The following LCORL variants were observed in gnomAD, a reference collection of about 807,000 sequenced individuals.
The protein encoded by LCORL is ligand dependent nuclear receptor corepressor like.
Under a neutral mutation model 141.8 loss-of-function variants are expected in LCORL, and 41 were observed. The ratio of observed to expected loss-of-function variants is 0.29; its 90% CI spans 0.23 to 0.38. The LOEUF is 0.38. LCORL is among the 10% of genes least tolerant of loss of function. The pLI is 1.00. For synonymous variants in LCORL, 618 were observed against 694.1 expected (o/e 0.89, Z 1.72); for missense variants, 1,759 against 2,035.0 (o/e 0.86, Z 2.61).
intron 4 of LCORL, among the ~76,000 whole-genome samples, chr4:17,910,557 A>C (rs933316914): frequency 1.1e-4 from 17 of 152,178 alleles, no homozygotes; most frequent in Non-Finnish European, 1.5e-5. Context: ...TTTGTGTTTC[A>C]GTATTAGTTA....
At chr4:17,991,896 A>C (rs79377331) in intron 1 of LCORL, among the ~76,000 whole-genome samples, 3 of 105,246 alleles carry the variant, frequency 2.9e-5, no homozygotes, top group Admixed American at 9.1e-5. Context: ...TCACCCTCAC[A>C]GAGAGGTGTA....
At chr4:17,876,039 G>A in exon 7 of LCORL, 1 of 1,231,080 alleles carries the variant, frequency 8.1e-7, no homozygotes, top group East Asian at 3.2e-5. Context: ...ATTTGAATGG[G>A]AAGTGCCAAC....
intron 5 of LCORL, among the ~76,000 whole-genome samples, chr4:17,908,324 G>A (rs935857996): frequency 3.3e-5 from 5 of 152,124 alleles, no homozygotes; most frequent in South Asian, 2.1e-4. Flanking sequence ...GAGCCAGCGC[G>A]CCTGGCCTAA....
At chr4:17,953,898 T>A (rs990705618) in intron 4 of LCORL, among the ~76,000 whole-genome samples, 5 of 152,178 alleles carry the variant, frequency 3.3e-5, no homozygotes, top group African/African-American at 9.7e-5. Flanking sequence ...GCGCGGTGGC[T>A]CACGCCTGTA....
Position 18,021,521 on chromosome 4 carries a change from C to T in LCORL, c.154+77G>A. The T allele has an allele frequency of 7.7e-7, 1 of 1,301,794 alleles. No individual in the cohort carries two copies. Among genetic ancestry groups the T allele is most frequent in the Non-Finnish European group, 1.0e-6 (1 of 964,696 alleles). The allele number at this position is 1,301,794 out of a possible 1,614,324, so 80.6% of individuals were successfully genotyped here. On this transcript the variant is annotated intron_variant, in intron 1 of 7. Coordinates refer to ENST00000635767, the Ensembl canonical transcript of LCORL. The surrounding 1 kb of genome is among the most constrained non-coding windows in gnomAD (Gnocchi z 5.5). ...ACCCGAACGGGAGATTCAACTAAAC[C>T]CCTCAGCCACAAACTCCTCGGGCTG...
chr4:17,939,181 CACA>C (rs1325068635), intron 4 of LCORL, among the ~76,000 whole-genome samples: 1 of 152,060 alleles, frequency 6.6e-6, no homozygotes, highest in African/African-American at 2.4e-5. Context: ...TGAAAATGTG[CACA>C]ACATCATTAG....
chr4:17,914,301 C>G (rs1733037939), intron 4 of LCORL, among the ~76,000 whole-genome samples: 1 of 152,160 alleles, frequency 6.6e-6, no homozygotes. Flanking sequence ...TTTTAGCTAA[C>G]TGTCCTGAAT....
chr4:17,983,915 G>A (rs1357011057), intron 1 of LCORL, among the ~76,000 whole-genome samples: 2 of 151,946 alleles, frequency 1.3e-5, no homozygotes, highest in African/African-American at 4.8e-5. Flanking sequence ...TGTCATATGT[G>A]GCTCTTATTA....
intron 1 of LCORL, among the ~76,000 whole-genome samples, chr4:18,013,151 T>C (rs1270556328): frequency 6.6e-6 from 1 of 150,404 alleles, no homozygotes; most frequent in Non-Finnish European, 1.5e-5. Context: ...CTCCTTATTG[T>C]AATATTTTTC....
chr4:17,844,087 T>TATTA (rs575910706), exon 8 of LCORL: 66 of 152,086 alleles, frequency 4.3e-4, no homozygotes, highest in Middle Eastern at 3.4e-3. Context: ...ATAAATGTAT[T>TATTA]ATTAACCATG....
chr4:17,968,110 G>A (rs766236256), intron 2 of LCORL, among the ~76,000 whole-genome samples: 2 of 151,714 alleles, frequency 1.3e-5, no homozygotes, highest in Non-Finnish European at 2.9e-5. Flanking sequence ...TGCCTGCCTC[G>A]GCCTCCCAAA....
chr4:17,886,092 G>A lies in LCORL; in HGVS notation c.752C>T (p.Pro251Leu). ...CCCAGCCACTGAATTTTCAGAAGAA[G>A]GATCACATATGGATGACTCTTCAGA... is the stretch of plus-strand genomic sequence containing the variant. The change falls in exon 6 of 8, where the codon CCT becomes CTT. Residue 251 changes from proline (P) to leucine (L), a missense_variant. Pro to Leu is a moderately conservative substitution (Grantham distance 98). Transcript: ENST00000635767. The A allele has an allele frequency of 1.9e-6, 3 of 1,589,206 alleles. No homozygotes were observed. In the Admixed American group the frequency reaches 5.1e-5, roughly 27 times the overall value.
intron 1 of LCORL, among the ~76,000 whole-genome samples, chr4:17,985,292 G>A (rs1377562889): frequency 6.6e-6 from 1 of 152,014 alleles, no homozygotes; most frequent in Non-Finnish European, 1.5e-5. Context: ...AGATCCATTG[G>A]GTCCAATGTT....
intron 1 of LCORL, among the ~76,000 whole-genome samples, chr4:17,977,606 A>AT (rs1717218646): frequency 6.6e-6 from 1 of 152,192 alleles, no homozygotes. Context: ...GTTGTCAGAC[A>AT]TTTTATTACA....
chr4:18,005,013 G>A (rs1722565303), intron 1 of LCORL, among the ~76,000 whole-genome samples: 1 of 151,974 alleles, frequency 6.6e-6, no homozygotes, highest in African/African-American at 2.4e-5. Context: ...CACCTCCTGG[G>A]TTCAAGCAAT....
chr4:17,883,288 T>C, intron 6 of LCORL: 1 of 989,898 alleles, frequency 1.0e-6, no homozygotes, highest in Non-Finnish European at 1.2e-6. Flanking sequence ...TTAAGTCTGT[T>C]GTATAGAATG....
chr4:18,004,902 C>T (rs1722540966), intron 1 of LCORL, among the ~76,000 whole-genome samples: 1 of 151,856 alleles, frequency 6.6e-6, no homozygotes, highest in East Asian at 1.9e-4. Flanking sequence ...CCATGCAAAT[C>T]CGAAATCCAG....
intron 7 of LCORL, among the ~76,000 whole-genome samples, chr4:17,863,640 C>A (rs1358152380): frequency 6.6e-6 from 1 of 152,198 alleles, no homozygotes; most frequent in Non-Finnish European, 1.5e-5. Context: ...AATCCCATTA[C>A]TGGGTATATA....
chr4:17,859,575 G>A (rs1203098085), intron 7 of LCORL, among the ~76,000 whole-genome samples: 1 of 152,136 alleles, frequency 6.6e-6, no homozygotes, highest in Non-Finnish European at 1.5e-5. Context: ...CAAGAATGAG[G>A]AGCACTAGAA....
Sources: allele counts gnomAD v4.1 joint callset (sites outside exome capture counted in the v4.1 genomes callset), GRCh38; gene constraint gnomAD v4.1.1; non-coding constraint Gnocchi (gnomAD v3.1); transcripts MANE v1.5; gene names NCBI Gene and HGNC (gene_info 2026-07-23, HGNC 2026-07-21).